Variants in DPY19L3 observed in about 807,000 individuals in gnomAD.
DPY19L3 encodes the protein dpy-19 like C-mannosyltransferase 3, also known as protein C-mannosyl-transferase DPY19L3.
In DPY19L3, 51 loss-of-function variants were observed where a neutral mutation model predicts 92.3. That is an observed-to-expected ratio of 0.55 (90% CI 0.44 to 0.70). The LOEUF is 0.70. Among genes scored for constraint, DPY19L3 ranks in the 30% least tolerant of loss-of-function variants. The pLI, the probability that DPY19L3 is intolerant of heterozygous loss-of-function variation, is 0.00. For synonymous variants in DPY19L3, 309 were observed against 315.2 expected (o/e 0.98, Z 0.21); for missense variants, 706 against 855.9 (o/e 0.82, Z 2.18).
chr19:32,443,143 G>A (rs760190958), intron 8 of DPY19L3, among the ~76,000 whole-genome samples: 4 of 152,068 alleles, frequency 2.6e-5, no homozygotes, highest in African/African-American at 7.2e-5. Flanking sequence ...CAGTGGTGAC[G>A]CACCTCTGTT....
At chr19:32,411,629 G>A (rs370016971) in intron 3 of DPY19L3, 258 of 417,124 alleles carry the variant, frequency 6.2e-4, no homozygotes, top group African/African-American at 3.6e-3. Flanking sequence ...GTGCGGTGGC[G>A]CAATCTTGGC....
At chr19:32,459,863 A>G (rs1445016321) in intron 12 of DPY19L3, among the ~76,000 whole-genome samples, 2 of 152,360 alleles carry the variant, frequency 1.3e-5, no homozygotes, top group East Asian at 3.9e-4. Context: ...TAGTCCAGTC[A>G]TGTCACTTAA....
intron 15 of DPY19L3, among the ~76,000 whole-genome samples, chr19:32,465,564 T>A (rs778222948): frequency 2.0e-5 from 3 of 152,160 alleles, no homozygotes; most frequent in Non-Finnish European, 2.9e-5. Context: ...CTCTACTGTG[T>A]AGAACCCCTG....
At chr19:32,424,285 A>C (rs1010385910) in intron 3 of DPY19L3, among the ~76,000 whole-genome samples, 1 of 150,938 alleles carries the variant, frequency 6.6e-6, no homozygotes, top group Non-Finnish European at 1.5e-5. Context: ...ACACCACTGC[A>C]CTCCGGTCTG....
chr19:32,428,983 G>A lies in DPY19L3; in HGVS notation c.238-3733G>A, dbSNP rs148715465. Among the ~76,000 whole-genome samples the A allele has an allele frequency of 5.6e-3, 855 of 152,174 alleles. 12 individuals carry two copies. The highest frequency in any genetic ancestry group is 0.019 in the African/African-American group (786 of 41,514). ...CTGCCTCAGCCTCCTGAGTAGCTGGGATTACAGGCGCCTGCCACCGCGCTT... is the reference window on the plus strand; with the variant it reads ...CTGCCTCAGCCTCCTGAGTAGCTGGAATTACAGGCGCCTGCCACCGCGCTT... On this transcript the variant is annotated intron_variant, in intron 3 of 18. Transcript: ENST00000392250.
At chr19:32,454,888 T>A (rs1333105071) in intron 9 of DPY19L3, 51 bp from the exon 10 acceptor site, 4 of 1,208,808 alleles carry the variant, frequency 3.3e-6, no homozygotes, top group Non-Finnish European at 3.5e-6. Flanking sequence ...TCAGTGTTTA[T>A]GAAGTTATAT....
At position 32,480,419 on chromosome 19, in the gene DPY19L3, G is replaced by C; in HGVS notation, c.1851G>C (p.Lys617Asn). 1 of 1,611,812 alleles carries C rather than the reference G, an allele frequency of 6.2e-7. No individual in the cohort carries two copies. Among genetic ancestry groups the C allele is most frequent in the African/African-American group, 1.3e-5 (1 of 74,908 alleles). ...TGAAGGTTTATCAGATATATGCCAA[G>C]AGGGCACCAGAGGAAGTGCATGCCC... ...RTRAVYQIYA[K>N]RAPEEVHALL... The change falls in exon 18 of 19, where the codon AAG (lysine) becomes AAC (asparagine). Residue 617 changes from lysine (K) to asparagine (N), a missense_variant. Transcript: ENST00000392250.
At position 32,482,252 on chromosome 19, in the gene DPY19L3, G is replaced by T. The variant is rs200722143; in HGVS notation, c.*12G>T. On this transcript the variant is annotated 3_prime_UTR_variant, in exon 19 of 19. Coordinates refer to ENST00000392250, the MANE Select transcript of DPY19L3 (RefSeq NM_001172774.2). ...CCAGAAACAAGTAGCGCAGATTTCT[G>T]CCCAGTGTCTATTTTTGATACGGAG... 3.1e-6 allele frequency: 5 copies of T among 1,603,218 alleles called. No individual in the cohort carries two copies. The Admixed American group carries it at 7.0e-5, about 22-fold the overall frequency.
At chr19:32,423,240 T>TTTTA (rs934617377) in intron 3 of DPY19L3, among the ~76,000 whole-genome samples, 2 of 151,936 alleles carry the variant, frequency 1.3e-5, no homozygotes, top group African/African-American at 4.8e-5. Flanking sequence ...TTGTCATTAA[T>TTTTA]TTTATTTATT....
intron 16 of DPY19L3, among the ~76,000 whole-genome samples, chr19:32,471,824 G>T (rs887210247): frequency 6.6e-6 from 1 of 152,174 alleles, no homozygotes; most frequent in African/African-American, 2.4e-5. Flanking sequence ...TTACCTGAGG[G>T]TGACACTTAA....
rs753764125 is a variant in DPY19L3 at position 32,439,948 on chromosome 19, C to A, written c.855+38C>A. 10 of 1,606,174 alleles carry A rather than the reference C, an allele frequency of 6.2e-6. No homozygotes were observed. In the South Asian group the frequency reaches 1.0e-4, roughly 16 times the overall value. ...TTCTTTTCTCACTTGAGATTTTGGC[C>A]ATTTAGTGTTTTTATATCATAGAAT... On this transcript the variant is annotated intron_variant, in intron 8 of 18. Coordinates refer to ENST00000392250, the MANE Select transcript of DPY19L3 (RefSeq NM_001172774.2).
intron 2 of DPY19L3, among the ~76,000 whole-genome samples, chr19:32,409,260 T>G (rs1968093643): frequency 6.6e-6 from 1 of 152,242 alleles, no homozygotes; most frequent in African/African-American, 2.4e-5. Flanking sequence ...ATTCTGCACA[T>G]GTATACCCAT....
chr19:32,474,713 C>T (rs2145629210), intron 16 of DPY19L3, among the ~76,000 whole-genome samples: 1 of 152,264 alleles, frequency 6.6e-6, no homozygotes, highest in East Asian at 1.9e-4. Flanking sequence ...TCCTCAGCCT[C>T]CTGAGTAGCT....
At chr19:32,460,702 A>G (rs886302192) in intron 12 of DPY19L3, among the ~76,000 whole-genome samples, 8 of 152,198 alleles carry the variant, frequency 5.3e-5, no homozygotes, top group Non-Finnish European at 8.8e-5. Context: ...CCACTGTGGT[A>G]TGTGCGATCT....
chr19:32,433,048 T>G (rs896183142), intron 4 of DPY19L3, among the ~76,000 whole-genome samples: 1 of 152,202 alleles, frequency 6.6e-6, no homozygotes, highest in Non-Finnish European at 1.5e-5. Flanking sequence ...CTTTGCAATT[T>G]CATGGTTTTG....
rs962718632 is a variant in DPY19L3, at chr19:32,483,595, A to G, written c.*1355A>G. The G allele has an allele frequency of 9.2e-5, 14 of 152,640 alleles. No individual in the cohort carries two copies. Among genetic ancestry groups the G allele is most frequent in the Admixed American group, 4.6e-4 (7 of 15,300 alleles). The allele number at this position is 152,640 out of a possible 1,614,324, so 9.5% of individuals were successfully genotyped here. On this transcript the variant is annotated 3_prime_UTR_variant, in exon 19 of 19. Coordinates refer to ENST00000392250, the MANE Select transcript of DPY19L3 (RefSeq NM_001172774.2). ...CAAGATGGCTGCATCACATTTTCAAATGATTTTATATTCAGTTGCTACTTA... is the reference window on the plus strand; with the variant it reads ...CAAGATGGCTGCATCACATTTTCAAGTGATTTTATATTCAGTTGCTACTTA...
chr19:32,418,603 A>G (rs557403897), intron 3 of DPY19L3, among the ~76,000 whole-genome samples: 36 of 152,318 alleles, frequency 2.4e-4, no homozygotes, highest in African/African-American at 7.9e-4. Flanking sequence ...AGAAAAGCTC[A>G]TTTTTGGAGT....
chr19:32,458,294 A>G (rs1969930560), intron 11 of DPY19L3, 57 bp from the exon 12 acceptor site: 15 of 1,589,040 alleles, frequency 9.4e-6, no homozygotes, highest in Non-Finnish European at 8.6e-7. Flanking sequence ...GAAAGATGCA[A>G]TGTCATTTCT....
intron 13 of DPY19L3, 73 bp downstream of exon 13, chr19:32,463,561 A>G: frequency 1.3e-6 from 2 of 1,506,832 alleles, no homozygotes; most frequent in Non-Finnish European, 1.8e-6. Flanking sequence ...ATAATTTGGA[A>G]AGTGACAATC....
Sources: gnomAD v4.1 joint callset for allele counts (sites outside exome capture counted in the v4.1 genomes callset) on GRCh38, gnomAD v4.1.1 for gene constraint, MANE v1.5 for transcripts, NCBI Gene and HGNC (gene_info 2026-07-23, HGNC 2026-07-21) for gene names.